Variants in KCNAB1 observed in about 807,000 individuals in gnomAD.
KCNAB1 encodes the protein voltage-gated potassium channel subunit beta-1.
In KCNAB1, 35 loss-of-function variants were observed where a neutral mutation model predicts 64.6. The ratio of observed to expected loss-of-function variants is 0.54; its 90% CI spans 0.41 to 0.72. The LOEUF (loss-of-function observed/expected upper bound fraction) is 0.72. Among genes scored for constraint, KCNAB1 ranks in the 30% least tolerant of loss-of-function variants. The pLI, the probability that KCNAB1 is intolerant of heterozygous loss-of-function variation, is 0.00. For missense variants in KCNAB1, 401 were observed against 512.9 expected (o/e 0.78, Z 2.11); for synonymous variants, 177 against 183.8 (o/e 0.96, Z 0.30).
chr3:156,539,070 C>CTT (rs1559939280), downstream of KCNAB1: 1 of 152,160 alleles, frequency 6.6e-6, no homozygotes, highest in East Asian at 1.9e-4. Flanking sequence ...TCCACGCACT[C>CTT]TTATTATTTT....
At chr3:156,205,839 A>G (rs1349349386) in intron 1 of KCNAB1, among the ~76,000 whole-genome samples, 1 of 152,196 alleles carries the variant, frequency 6.6e-6, no homozygotes, top group Non-Finnish European at 1.5e-5. Context: ...TGAAATCTTT[A>G]CCATTGCAAA....
intron 1 of KCNAB1, among the ~76,000 whole-genome samples, chr3:156,417,885 C>T (rs1715189996): frequency 1.3e-5 from 2 of 152,210 alleles, no homozygotes; most frequent in Admixed American, 1.3e-4. Context: ...TTTGAGCTCT[C>T]AAGAAGCTAT....
intron 1 of KCNAB1, among the ~76,000 whole-genome samples, chr3:156,181,091 C>T (rs1387069273): frequency 6.6e-6 from 1 of 152,192 alleles, no homozygotes; most frequent in Non-Finnish European, 1.5e-5. Flanking sequence ...CTTCAAAGGA[C>T]ACCAGCTATC....
At chr3:156,261,916 C>T (rs1448509218) in intron 1 of KCNAB1, among the ~76,000 whole-genome samples, 2 of 151,912 alleles carry the variant, frequency 1.3e-5, no homozygotes, top group Admixed American at 1.3e-4. Context: ...TTGTAGTAAT[C>T]AGTATGCAAA....
At chr3:156,410,432 A>T (rs1373226362) in intron 1 of KCNAB1, among the ~76,000 whole-genome samples, 2 of 152,198 alleles carry the variant, frequency 1.3e-5, no homozygotes, top group Non-Finnish European at 2.9e-5. Context: ...AATACAGTTA[A>T]ATTCATTTCT....
chr3:156,291,608 C>T, intron 1 of KCNAB1: 3 of 1,284,014 alleles, frequency 2.3e-6, no homozygotes, highest in South Asian at 1.6e-5. Context: ...GTTTAATCAG[C>T]CGAGATTACA....
At chr3:156,157,471 GC>G (rs1715790450) in intron 1 of KCNAB1, among the ~76,000 whole-genome samples, 1 of 152,132 alleles carries the variant, frequency 6.6e-6, no homozygotes, top group Non-Finnish European at 1.5e-5. Flanking sequence ...CAGCATCTCT[GC>G]CCCCTGATTG....
intron 11 of KCNAB1, among the ~76,000 whole-genome samples, chr3:156,517,793 T>G (rs766167906): frequency 8.5e-5 from 13 of 152,214 alleles, no homozygotes; most frequent in Non-Finnish European, 1.8e-4. Flanking sequence ...ATATGCAGAG[T>G]GTTTGTTCTC....
At chr3:156,311,868 A>C (rs1200878460) in intron 1 of KCNAB1, among the ~76,000 whole-genome samples, 1 of 152,166 alleles carries the variant, frequency 6.6e-6, no homozygotes, top group East Asian at 1.9e-4. Context: ...GTGTGCACTT[A>C]AGGCCCTTCG....
At chr3:156,294,259 A>G (rs550213603) in intron 1 of KCNAB1, among the ~76,000 whole-genome samples, 2 of 152,232 alleles carry the variant, frequency 1.3e-5, no homozygotes, top group Non-Finnish European at 2.9e-5. Context: ...ACAAAAAGTT[A>G]GCCACTGGGA....
intron 8 of KCNAB1, among the ~76,000 whole-genome samples, chr3:156,476,375 A>G (rs1358606798): frequency 6.6e-6 from 1 of 152,078 alleles, no homozygotes; most frequent in Non-Finnish European, 1.5e-5. Context: ...TAGTTCTCAC[A>G]TATCGGTGAG....
At chr3:156,424,411 T>C (rs1433219869) in intron 2 of KCNAB1, among the ~76,000 whole-genome samples, 1 of 152,166 alleles carries the variant, frequency 6.6e-6, no homozygotes, top group Non-Finnish European at 1.5e-5. Context: ...TAAGGTAATT[T>C]GACATTTGCT....
chr3:156,159,361 AATCTT>A (rs1257989419), intron 1 of KCNAB1, among the ~76,000 whole-genome samples: 1 of 152,202 alleles, frequency 6.6e-6, no homozygotes, highest in African/African-American at 2.4e-5. Flanking sequence ...AATGAGCAGA[AATCTT>A]ATCTAACTAA....
At chr3:156,351,969 T>C (rs1724892021) in intron 1 of KCNAB1, among the ~76,000 whole-genome samples, 1 of 152,210 alleles carries the variant, frequency 6.6e-6, no homozygotes, top group Admixed American at 6.5e-5. Context: ...CCTCAGGCTG[T>C]CTCTCAGGGC....
upstream of KCNAB1, among the ~76,000 whole-genome samples, chr3:156,119,592 C>T (rs9882449): frequency 0.07 from 10,660 of 152,158 alleles, 1,278 homozygotes; most frequent in African/African-American, 0.24. Context: ...ATGCAGCAGG[C>T]ACTGAGATAG....
At chr3:156,152,174 T>C (rs924277327) in intron 1 of KCNAB1, among the ~76,000 whole-genome samples, 3 of 152,212 alleles carry the variant, frequency 2.0e-5, no homozygotes, top group Admixed American at 6.5e-5. Flanking sequence ...CTGACCTTAT[T>C]AGCCTACATA....
intron 1 of KCNAB1, among the ~76,000 whole-genome samples, chr3:156,412,948 A>C (rs1016757405): frequency 6.6e-6 from 1 of 152,236 alleles, no homozygotes; most frequent in African/African-American, 2.4e-5. Flanking sequence ...CTGAATTTGA[A>C]ATATGCACTG....
At chr3:156,133,364 T>C (rs1185662277) in intron 1 of KCNAB1, among the ~76,000 whole-genome samples, 2 of 152,256 alleles carry the variant, frequency 1.3e-5, no homozygotes, top group Non-Finnish European at 2.9e-5. Context: ...CAGTACTGAA[T>C]GTGTTTTAAA....
At chr3:156,531,331 C>T (rs756129268) in intron 12 of KCNAB1, 78 bp from the exon 13 acceptor site, 3 of 1,078,592 alleles carry the variant, frequency 2.8e-6, no homozygotes, top group African/African-American at 1.6e-5. Context: ...CTGCAACAAA[C>T]AGCTGTAGCA....
Sources: allele counts gnomAD v4.1 joint callset (sites outside exome capture counted in the v4.1 genomes callset), GRCh38; gene constraint gnomAD v4.1.1; transcripts MANE v1.5; gene names NCBI Gene and HGNC (gene_info 2026-07-23, HGNC 2026-07-21).